The following PLEKHA6 variants were observed in gnomAD, a reference collection of about 807,000 sequenced individuals.
PLEKHA6 encodes pleckstrin homology domain containing A6.
Under a neutral mutation model 116.7 loss-of-function variants are expected in PLEKHA6, and 60 were observed. The observed-to-expected ratio is 0.51, with a 90% CI of 0.42 to 0.64. PLEKHA6 has a LOEUF of 0.64. Among genes scored for constraint, PLEKHA6 ranks in the 30% least tolerant of loss-of-function variants. The pLI is 0.00. For synonymous variants in PLEKHA6, 489 were observed against 556.1 expected, an observed-to-expected ratio of 0.88 and a Z score of 1.70; for missense variants, 1,338 against 1,422.7, an observed-to-expected ratio of 0.94 and a Z score of 0.96.
chr1:204,221,243 C>CT lies in PLEKHA6; in HGVS notation c.*1544dup, dbSNP rs1217872275. On this transcript the variant is annotated 3_prime_UTR_variant, in exon 23 of 23. Transcript: ENST00000272203. ...TTTGTTGAGTAAATTGTCATCTTTA[C>CT]TTGCATATGAACCAGTAACTGTCCC... 3.3e-5 allele frequency: 5 copies of CT among 152,664 alleles called. No individual in the cohort carries two copies. Among genetic ancestry groups the CT allele is most frequent in the Non-Finnish European group, 7.3e-5 (5 of 68,052 alleles). 9.5% of individuals were successfully genotyped at this position (152,664 alleles called of 1,614,324 possible).
intron 1 of PLEKHA6, among the ~76,000 whole-genome samples, chr1:204,350,254 A>AGGG (rs1181548565): frequency 7.2e-5 from 11 of 152,186 alleles, no homozygotes; most frequent in African/African-American, 2.7e-4. Context: ...CAGGGAGGTC[A>AGGG]AGGCTGCAAT....
intron 12 of PLEKHA6, 21 bp downstream of exon 12, chr1:204,248,800 G>GA: frequency 1.9e-6 from 3 of 1,609,968 alleles, no homozygotes; most frequent in Non-Finnish European, 1.7e-6. Context: ...TGGGGTGCAC[G>GA]AACCCCGCTC....
At chr1:204,316,735 G>A (rs1671873582) in intron 1 of PLEKHA6, among the ~76,000 whole-genome samples, 1 of 152,138 alleles carries the variant, frequency 6.6e-6, no homozygotes, top group Non-Finnish European at 1.5e-5. Flanking sequence ...CTCAATACAG[G>A]TATCAAACTT....
Position 204,257,959 on chromosome 1 carries a change from G to A in PLEKHA6, c.1008-90C>T, listed in dbSNP as rs373686979. ...CCACCTCCAGGTCCCCCAGCCTAGA[G>A]CAGGGTGCTTGAATAGGTACACAGG... is the stretch of plus-strand genomic sequence containing the variant. On this transcript the variant is annotated intron_variant, in intron 8 of 22. Coordinates refer to ENST00000272203, the MANE Select transcript of PLEKHA6 (RefSeq NM_014935.5). This position sits in a 1 kb window ranked among gnomAD's most constrained non-coding sequence, Gnocchi z 6.5. The A allele has an allele frequency of 2.6e-4, 319 of 1,238,348 alleles. 2 individuals are homozygous for A. In the East Asian group the frequency reaches 5.8e-3, roughly 22 times the overall value. The allele number at this position is 1,238,348 out of a possible 1,614,324, so 76.7% of individuals were successfully genotyped here.
At chr1:204,352,386 GAAAAGAA>G (rs1310148501) in intron 1 of PLEKHA6, among the ~76,000 whole-genome samples, 8 of 145,204 alleles carry the variant, frequency 5.5e-5, no homozygotes, top group Non-Finnish European at 1.0e-4. Flanking sequence ...AAAAAAAAAA[GAAAAGAA>G]AAAAGAAAAA....
At chr1:204,271,180 C>A (rs1244725343) in intron 3 of PLEKHA6, among the ~76,000 whole-genome samples, 1 of 152,070 alleles carries the variant, frequency 6.6e-6, no homozygotes, top group East Asian at 1.9e-4. Context: ...ATGTGTGGCC[C>A]AAGACAATCT....
chr1:204,274,207 C>T (rs573782956), intron 2 of PLEKHA6, among the ~76,000 whole-genome samples: 4 of 152,278 alleles, frequency 2.6e-5, no homozygotes, highest in East Asian at 3.9e-4. Flanking sequence ...GCTGAGATTA[C>T]AGGCATGAGC....
intron 1 of PLEKHA6, among the ~76,000 whole-genome samples, chr1:204,306,120 A>G (rs1671276584): frequency 6.6e-6 from 1 of 151,492 alleles, no homozygotes; most frequent in South Asian, 2.1e-4. Context: ...TCTCCACCAC[A>G]TTCCTCCTCC....
chr1:204,357,364 G>GC (rs1244684401), intron 1 of PLEKHA6, among the ~76,000 whole-genome samples: 1 of 152,188 alleles, frequency 6.6e-6, no homozygotes, highest in Non-Finnish European at 1.5e-5. Flanking sequence ...CTGAGCAGGA[G>GC]CCCCCTGAAC....
rs766926601 is a variant in PLEKHA6 at position 204,268,255 on chromosome 1, G to A, written c.160C>T (p.Arg54Trp). 6 of 1,612,642 alleles carry A rather than the reference G, an allele frequency of 3.7e-6. No homozygotes were observed. Among genetic ancestry groups the A allele is most frequent in the East Asian group, 2.2e-5 (1 of 44,706 alleles). ...AFGKRSHSMKRNPNAPVTKAG... is the reference protein window; with the variant it reads ...AFGKRSHSMKWNPNAPVTKAG... ...TTGGTGACAGGTGCATTGGGGTTCC[G>A]CTTCATGGAGTGTGAGCGCTTGCCA... The change falls in exon 4 of 23, where the codon CGG (arginine) becomes TGG (tryptophan). Residue 54 changes from arginine to tryptophan, a missense_variant. This residue lies in a region of PLEKHA6 where 140 missense variants were observed against 197.4 expected (regional missense o/e 0.71). Transcript: ENST00000272203.
intron 1 of PLEKHA6, among the ~76,000 whole-genome samples, chr1:204,357,052 A>G (rs1673433590): frequency 6.6e-6 from 1 of 152,270 alleles, no homozygotes; most frequent in South Asian, 2.1e-4. Flanking sequence ...GGACTATTAT[A>G]TACTATTTTA....
chr1:204,228,554 C>T lies in PLEKHA6; in HGVS notation c.2885+174G>A, dbSNP rs1660703877. ...CGAGCCTGGCAGGTCTTAGTAGCAC[C>T]TGACAGCAGCATCCTTGCCTCTGCC... On this transcript the variant is annotated intron_variant, in intron 20 of 22. Transcript: ENST00000272203. The surrounding 1 kb of genome is among the most constrained non-coding windows in gnomAD (Gnocchi z 4.0). Among the ~76,000 whole-genome samples, 2 of 152,126 alleles carry T rather than the reference C, an allele frequency of 1.3e-5. No individual in the cohort carries two copies. The highest frequency in any genetic ancestry group is 1.3e-4 in the Admixed American group (2 of 15,284).
At chr1:204,345,082 T>G (rs1672987379) in intron 1 of PLEKHA6, among the ~76,000 whole-genome samples, 1 of 152,184 alleles carries the variant, frequency 6.6e-6, no homozygotes, top group Non-Finnish European at 1.5e-5. Flanking sequence ...AAGACATATG[T>G]GGATGGAACA....
chr1:204,235,793 C>T (rs568308586), intron 17 of PLEKHA6, among the ~76,000 whole-genome samples: 3 of 152,152 alleles, frequency 2.0e-5, no homozygotes, highest in Non-Finnish European at 4.4e-5. Flanking sequence ...TTCTCCATTC[C>T]CAATAGTGGC....
intron 1 of PLEKHA6, among the ~76,000 whole-genome samples, chr1:204,319,262 G>C (rs978383261): frequency 6.6e-6 from 1 of 152,204 alleles, no homozygotes; most frequent in Non-Finnish European, 1.5e-5. Context: ...AGGAGGAGCA[G>C]GCTGTCAGTC....
chr1:204,271,351 C>T (rs993503710), intron 3 of PLEKHA6, among the ~76,000 whole-genome samples: 1 of 152,062 alleles, frequency 6.6e-6, no homozygotes, highest in Non-Finnish European at 1.5e-5. Flanking sequence ...AGCAAGGTAT[C>T]CAGCCATAAC....
intron 1 of PLEKHA6, among the ~76,000 whole-genome samples, chr1:204,319,562 C>T (rs373542536): frequency 6.6e-6 from 1 of 152,142 alleles, no homozygotes; most frequent in African/African-American, 2.4e-5. Context: ...CATCCCCTGT[C>T]CCCACCCAAC....
intron 12 of PLEKHA6, among the ~76,000 whole-genome samples, chr1:204,247,744 TA>T (rs1663930748): frequency 6.6e-6 from 1 of 152,080 alleles, no homozygotes; most frequent in Non-Finnish European, 1.5e-5. Context: ...GATCAGCGGA[TA>T]AAAAGTAGAG....
chr1:204,303,399 T>C (rs534763833), intron 1 of PLEKHA6, among the ~76,000 whole-genome samples: 27 of 152,312 alleles, frequency 1.8e-4, no homozygotes, highest in Non-Finnish European at 2.9e-4. Context: ...ATCAGAAAGT[T>C]TTCTTATATA....
Sources: gnomAD v4.1 joint callset for allele counts (sites outside exome capture counted in the v4.1 genomes callset) on GRCh38, gnomAD v4.1.1 for gene constraint, gnomAD v4.1.1 regional missense constraint, Gnocchi (gnomAD v3.1) non-coding constraint, MANE v1.5 for transcripts, NCBI Gene and HGNC (gene_info 2026-07-23, HGNC 2026-07-21) for gene names.